The following PCDHGB3 variants were observed in gnomAD, a reference collection of about 807,000 sequenced individuals.
The protein encoded by PCDHGB3 is protocadherin gamma subfamily B, 3, also known as protocadherin gamma-B3.
In PCDHGB3, 40 loss-of-function variants were observed where a neutral mutation model predicts 59.2. The observed-to-expected ratio is 0.68, with a 90% confidence interval of 0.52 to 0.88. The LOEUF is 0.88. Ranked by LOEUF, PCDHGB3 falls within the 40% of genes least tolerant of loss-of-function variation. PCDHGB3 has a pLI of 0.00. For synonymous variants in PCDHGB3, 581 were observed against 503.6 expected (o/e 1.15, Z -2.06); for missense variants, 1,309 against 1,187.9 (o/e 1.10, Z -1.50).
chr5:141,389,847 A>T (rs541124715), intron 1 of PCDHGB3: 1 of 1,614,066 alleles, frequency 6.2e-7, no homozygotes, highest in African/African-American at 1.3e-5. Flanking sequence ...ACTCTCGGCC[A>T]CTGCCACGTT....
chr5:141,504,241 A>G (rs1282647590), intron 2 of PCDHGB3, among the ~76,000 whole-genome samples: 1 of 152,156 alleles, frequency 6.6e-6, no homozygotes, highest in Non-Finnish European at 1.5e-5. Flanking sequence ...AGAAGCAGAG[A>G]GTTCTTCTTA....
At chr5:141,375,529 C>G (rs370346410) in intron 1 of PCDHGB3, 1 of 1,614,026 alleles carries the variant, frequency 6.2e-7, no homozygotes, top group African/African-American at 1.3e-5. Context: ...CTGACGTGGA[C>G]CAGAACGCCC....
intron 1 of PCDHGB3, chr5:141,396,655 C>T (rs1589287485): frequency 6.6e-6 from 1 of 152,052 alleles, no homozygotes; most frequent in South Asian, 2.1e-4. Context: ...AGTAAAAACT[C>T]GGTATAGGCT....
chr5:141,430,615 A>G, intron 1 of PCDHGB3: 1 of 686,990 alleles, frequency 1.5e-6, no homozygotes, highest in Non-Finnish European at 2.2e-6. Context: ...CAAAGCAGAT[A>G]GCTAGGAATG....
At chr5:141,389,903 C>T in intron 1 of PCDHGB3, 1 of 1,614,092 alleles carries the variant, frequency 6.2e-7, no homozygotes, top group Non-Finnish European at 8.5e-7. Context: ...TGCCGGATAT[C>T]ACTGACCGCC....
chr5:141,373,414 T>C (rs1351552261), intron 1 of PCDHGB3, among the ~76,000 whole-genome samples: 1 of 152,222 alleles, frequency 6.6e-6, no homozygotes, highest in Non-Finnish European at 1.5e-5. Context: ...TCCCAGCTAC[T>C]CGGGAGGCTG....
At chr5:141,388,459 C>G in intron 1 of PCDHGB3, 1 of 1,613,696 alleles carries the variant, frequency 6.2e-7, no homozygotes, top group Non-Finnish European at 8.5e-7. Flanking sequence ...AGTAAATACC[C>G]TGAGATGGTA....
At chr5:141,423,749 T>TTG (rs1249843775) in intron 1 of PCDHGB3, 127 of 272,264 alleles carry the variant, frequency 4.7e-4, no homozygotes, top group South Asian at 6.4e-4. Context: ...TGAAAACTGT[T>TTG]TGGGGGGGGG....
At chr5:141,456,197 C>T (rs1353243708) in intron 1 of PCDHGB3, among the ~76,000 whole-genome samples, 1 of 152,090 alleles carries the variant, frequency 6.6e-6, no homozygotes, top group Non-Finnish European at 1.5e-5. Context: ...ATAACTCCTA[C>T]CACATTCCTC....
intron 1 of PCDHGB3, chr5:141,400,135 G>A (rs773410293): frequency 6.2e-7 from 1 of 1,614,074 alleles, no homozygotes; most frequent in Non-Finnish European, 8.5e-7. Flanking sequence ...GGTGCTGCCG[G>A]ATATCACTGA....
chr5:141,379,889 C>CTTTTTGTTTTTTTTTTTTT (rs1775944261), intron 1 of PCDHGB3, among the ~76,000 whole-genome samples: 1 of 50,830 alleles, frequency 2.0e-5, no homozygotes, highest in Non-Finnish European at 3.9e-5. Flanking sequence ...GTGAAAGCCT[C>CTTTTTGTTTTTTTTTTTTT]TTTTTTTTTT....
At chr5:141,418,409 G>C in intron 1 of PCDHGB3, 4 of 1,613,910 alleles carry the variant, frequency 2.5e-6, no homozygotes, top group Admixed American at 1.7e-5. Context: ...GGTGGAGAAA[G>C]ACAATCCTGA....
rs1596285501 is a variant in PCDHGB3, at chr5:141,510,367, C to A, written c.2564-580C>A. Among the ~76,000 whole-genome samples the A allele has an allele frequency of 5.0e-5, 7 of 140,362 alleles. 1 individual carries two copies. In the South Asian group the frequency reaches 1.6e-3, roughly 31 times the overall value. The allele number at this position is 140,362 out of a possible 152,430, so 92.1% of individuals were successfully genotyped here. A position where few individuals can be genotyped will look rare whatever the true frequency, so the allele number is the denominator to read the frequency against. On this transcript the variant is annotated intron_variant, in intron 3 of 3. Transcript: ENST00000576222. ...ACACTTACTAACGGAACTACCGAAT[C>A]TCTACTCGTGCCAGGCCTTGCTTGG...
intron 1 of PCDHGB3, chr5:141,399,118 A>G: frequency 6.2e-7 from 1 of 1,613,822 alleles, no homozygotes; most frequent in Non-Finnish European, 8.5e-7. Context: ...TACAGTTGAA[A>G]TTAATATTCA....
rs2099391747 is a variant in PCDHGB3 at position 141,476,440 on chromosome 5, G to A, written c.2416-18367G>A. Reference sequence around the variant, plus strand: ...CACTGCCCTCTTGCACTGTAACTCTGGAGTTGGTAGTGGAGAACCCGCTGG... The same window carrying A: ...CACTGCCCTCTTGCACTGTAACTCTAGAGTTGGTAGTGGAGAACCCGCTGG... On this transcript the variant is annotated intron_variant, in intron 1 of 3. Transcript: ENST00000576222. The surrounding 1 kb of genome is among the most constrained non-coding windows in gnomAD (Gnocchi z 7.6). 1.2e-6 allele frequency: 2 copies of A among 1,613,998 alleles called. No individual in the cohort carries two copies. Among genetic ancestry groups the A allele is most frequent in the African/African-American group, 2.7e-5 (2 of 74,902 alleles).
rs1027897777 is a variant in PCDHGB3, at chr5:141,510,812, C to T, written c.2564-135C>T. 151 of 1,531,674 alleles carry T rather than the reference C, an allele frequency of 9.9e-5. 1 individual carries two copies. The highest frequency in any genetic ancestry group is 2.5e-5 in the South Asian group (2 of 80,152). 94.9% of individuals were successfully genotyped at this position (1,531,674 alleles called of 1,614,324 possible). A position where few individuals can be genotyped will look rare whatever the true frequency, so the allele number is the denominator to read the frequency against. On this transcript the variant is annotated intron_variant, in intron 3 of 3. Coordinates refer to ENST00000576222, the MANE Select transcript of PCDHGB3 (RefSeq NM_018924.5). ...TGTGAAGAGAGACTACCTTGGTGAC[C>T]CCTATATTCCCAGTGCTCAGCGTGG...
intron 1 of PCDHGB3, chr5:141,392,171 C>A (rs1182647236): frequency 6.6e-6 from 1 of 152,216 alleles, no homozygotes; most frequent in African/African-American, 2.4e-5. Flanking sequence ...CTGAGTCAGT[C>A]ATCTCCAGTA....
chr5:141,500,493 G>A (rs1239876467), intron 2 of PCDHGB3, among the ~76,000 whole-genome samples: 1 of 152,166 alleles, frequency 6.6e-6, no homozygotes, highest in Admixed American at 6.5e-5. Context: ...ACAGGCGTGA[G>A]CCACCGCGCC....
intron 1 of PCDHGB3, chr5:141,408,674 A>C (rs1005052894): frequency 6.2e-7 from 1 of 1,613,882 alleles, no homozygotes; most frequent in African/African-American, 1.3e-5. Flanking sequence ...TGACCCTGCC[A>C]CGGATCCTGA....
Sources: gnomAD v4.1 joint callset for allele counts (sites outside exome capture counted in the v4.1 genomes callset) on GRCh38, gnomAD v4.1.1 for gene constraint, Gnocchi (gnomAD v3.1) non-coding constraint, MANE v1.5 for transcripts, NCBI Gene and HGNC (gene_info 2026-07-23, HGNC 2026-07-21) for gene names.